The following SDK1 variants were observed in gnomAD, a reference collection of about 807,000 sequenced individuals.
SDK1 encodes the protein protein sidekick-1.
A neutral mutation model predicts 245.5 loss-of-function variants in SDK1; 157 were observed. That is an observed-to-expected ratio of 0.64 (90% confidence interval 0.56 to 0.73). The LOEUF is 0.73. Among genes scored for constraint, SDK1 ranks in the 30% least tolerant of loss-of-function variants. SDK1 has a pLI of 0.00. For missense variants in SDK1, 3,583 were observed against 3,002.3 expected, an observed-to-expected ratio of 1.19 and a Z score of -4.52; for synonymous variants, 1,647 against 1,278.5, an observed-to-expected ratio of 1.29 and a Z score of -6.15.
intron 5 of SDK1, among the ~76,000 whole-genome samples, chr7:3,878,259 G>C (rs977957568): frequency 1.2e-4 from 19 of 152,078 alleles, no homozygotes; most frequent in Non-Finnish European, 2.8e-4. Context: ...GGTGGCTCAC[G>C]CCTGTAATCC....
rs148190375 is a variant in SDK1 at position 3,421,941 on chromosome 7, G to A, written c.298+120057G>A. On this transcript the variant is annotated intron_variant, in intron 1 of 44. Coordinates refer to ENST00000404826, the MANE Select transcript of SDK1 (RefSeq NM_152744.4). ...TCCCAGCACTTCTGGAGGCTTAGGC[G>A]GGCATATAGCTTCAGTCCAGGAGTT... Among the ~76,000 whole-genome samples, 376 of 152,176 alleles carry A rather than the reference G, an allele frequency of 2.5e-3. 3 individuals are homozygous for A. Among genetic ancestry groups the A allele is most frequent in the African/African-American group, 8.7e-3 (359 of 41,502 alleles).
intron 5 of SDK1, among the ~76,000 whole-genome samples, chr7:3,857,769 G>C (rs73312006): frequency 0.016 from 2,376 of 152,066 alleles, 70 homozygotes; most frequent in African/African-American, 0.055. Context: ...CTAGATAGAA[G>C]ATAGATATGG....
chr7:3,388,503 C>A (rs191258405), intron 1 of SDK1, among the ~76,000 whole-genome samples: 4 of 152,018 alleles, frequency 2.6e-5, no homozygotes, highest in Non-Finnish European at 5.9e-5. Context: ...TAGGCTCAAG[C>A]GATCCCCCCA....
rs1456250856 is a variant in SDK1 at position 4,084,711 on chromosome 7, GTTATGTTATGTTATGTT to G, written c.3324+5128_3324+5144del. On this transcript the variant is annotated intron_variant, in intron 22 of 44. Transcript: ENST00000404826. ...GTTATGTTATGTTATGTTATGTTAT[GTTATGTTATGTTATGTT>G]ATGTTGTTACTTAAATGTATATTTT... is the stretch of plus-strand genomic sequence containing the variant. Among the ~76,000 whole-genome samples the G allele has an allele frequency of 5.4e-4, 74 of 135,974 alleles. 2 individuals are homozygous for G. In the South Asian group the frequency reaches 0.016, roughly 29 times the overall value. 89.2% of individuals were successfully genotyped at this position (135,974 alleles called of 152,430 possible).
In SDK1 at chr7:3,626,004, T is replaced by C. The variant is rs528883710; in HGVS notation, c.458+6765T>C. Among the ~76,000 whole-genome samples, 3 of 148,976 alleles carry C rather than the reference T, an allele frequency of 2.0e-5. No individual in the cohort carries two copies. The East Asian group carries it at 5.9e-4, about 29-fold the overall frequency. On this transcript the variant is annotated intron_variant, in intron 2 of 44. Coordinates refer to ENST00000404826, the MANE Select transcript of SDK1 (RefSeq NM_152744.4). ...TGTCACCCAGGCTGGACTGTAGTAG[T>C]GTAATCATAGCTCATTGCAGCCTGG... is the stretch of plus-strand genomic sequence containing the variant.
intron 1 of SDK1, among the ~76,000 whole-genome samples, chr7:3,411,565 C>G (rs1393902857): frequency 6.6e-6 from 1 of 152,130 alleles, no homozygotes; most frequent in Non-Finnish European, 1.5e-5. Flanking sequence ...CAGTTACAAA[C>G]TTGGCTATCT....
rs1583209884 is a variant in SDK1 at position 4,265,929 on chromosome 7, T to C, written c.*545T>C. Reference sequence around the variant, plus strand: ...GTTTTGTCCCAACTTCATCTGTTTCTGAAATGTTCTCACTTGGCAGTGTCT... The same window carrying C: ...GTTTTGTCCCAACTTCATCTGTTTCCGAAATGTTCTCACTTGGCAGTGTCT... On this transcript the variant is annotated 3_prime_UTR_variant, in exon 45 of 45. Transcript: ENST00000404826. 1.0e-6 allele frequency: 1 copy of C among 985,906 alleles called. No individual in the cohort carries two copies. The highest frequency in any genetic ancestry group is 1.2e-6 in the Non-Finnish European group (1 of 830,264). The allele number at this position is 985,906 out of a possible 1,614,324, so 61.1% of individuals were successfully genotyped here.
intron 1 of SDK1, among the ~76,000 whole-genome samples, chr7:3,405,177 C>CA (rs112514507): frequency 0.049 from 6,863 of 138,926 alleles, 526 homozygotes; most frequent in African/African-American, 0.19. Context: ...AAAACAAAAA[C>CA]AAAAACAAAA....
chr7:3,532,050 A>G (rs1015628506), intron 1 of SDK1, among the ~76,000 whole-genome samples: 55 of 152,330 alleles, frequency 3.6e-4, no homozygotes, highest in Non-Finnish European at 5.9e-5. Context: ...GAAATCCTAT[A>G]AATTTAACTA....
At chr7:3,390,369 G>A (rs1781718650) in intron 1 of SDK1, among the ~76,000 whole-genome samples, 1 of 152,170 alleles carries the variant, frequency 6.6e-6, no homozygotes, top group Non-Finnish European at 1.5e-5. Flanking sequence ...CACTGACAGT[G>A]ACTTCACTGA....
intron 5 of SDK1, among the ~76,000 whole-genome samples, chr7:3,904,291 G>A (rs890849329): frequency 2.0e-5 from 3 of 152,160 alleles, no homozygotes; most frequent in Non-Finnish European, 2.9e-5. Flanking sequence ...TGGGGAGAGG[G>A]GCAATGGAAA....
intron 1 of SDK1, among the ~76,000 whole-genome samples, chr7:3,320,908 T>A (rs1308453199): frequency 6.6e-6 from 1 of 150,934 alleles, no homozygotes; most frequent in East Asian, 1.9e-4. Context: ...AAAAAAAAAA[T>A]CCAGCTAGGA....
intron 4 of SDK1, among the ~76,000 whole-genome samples, chr7:3,655,876 T>C (rs1783167193): frequency 6.6e-6 from 1 of 152,002 alleles, no homozygotes; most frequent in Admixed American, 6.5e-5. Context: ...CTCAAGGAAG[T>C]TGAGATAAGG....
chr7:3,800,326 G>A (rs1394110840), intron 4 of SDK1, among the ~76,000 whole-genome samples: 2 of 152,022 alleles, frequency 1.3e-5, no homozygotes, highest in African/African-American at 4.8e-5. Flanking sequence ...ACTGATGTGT[G>A]CTCAGCTACA....
chr7:4,049,889 G>C (rs1373832431), intron 18 of SDK1, among the ~76,000 whole-genome samples: 6 of 152,130 alleles, frequency 3.9e-5, no homozygotes. Flanking sequence ...TCTACTTCAG[G>C]GAGAGTTCTG....
intron 19 of SDK1, among the ~76,000 whole-genome samples, chr7:4,063,284 G>C (rs1779655567): frequency 6.6e-6 from 1 of 152,124 alleles, no homozygotes; most frequent in Non-Finnish European, 1.5e-5. Context: ...ACAAAAATCA[G>C]TAGCATTTCT....
rs182360122 is a variant in SDK1 at position 3,986,686 on chromosome 7, C to A, written c.1995-500C>A. On this transcript the variant is annotated intron_variant, in intron 13 of 44. Transcript: ENST00000404826. Reference sequence around the variant, plus strand: ...CCAACCTGGCCAAGATGGTGTGAAACCCCATCTCTACTAAAAATACAAAAA... The same window carrying A: ...CCAACCTGGCCAAGATGGTGTGAAAACCCATCTCTACTAAAAATACAAAAA... Among the ~76,000 whole-genome samples, 7 of 152,158 alleles carry A rather than the reference C, an allele frequency of 4.6e-5. No homozygotes were observed. The East Asian group carries it at 1.4e-3, about 29-fold the overall frequency.
chr7:3,821,727 G>C (rs1409741824), intron 5 of SDK1, 144 bp downstream of exon 5: 54 of 742,922 alleles, frequency 7.3e-5, no homozygotes, highest in Non-Finnish European at 9.9e-5. Flanking sequence ...AGTGCCAATA[G>C]TTCGGAGAGC....
chr7:4,002,198 GAGAA>G (rs1785124336), intron 14 of SDK1, among the ~76,000 whole-genome samples: 1 of 152,196 alleles, frequency 6.6e-6, no homozygotes, highest in Non-Finnish European at 1.5e-5. Context: ...ACTAGACCAA[GAGAA>G]GCTTTTTCGT....
Sources: gnomAD v4.1 joint callset for allele counts (sites outside exome capture counted in the v4.1 genomes callset) on GRCh38, gnomAD v4.1.1 for gene constraint, MANE v1.5 for transcripts, NCBI Gene and HGNC (gene_info 2026-07-23, HGNC 2026-07-21) for gene names.